The following HP1BP3 variants were observed in gnomAD, a reference collection of about 807,000 sequenced individuals.
The protein encoded by HP1BP3 is heterochromatin protein 1 binding protein 3.
Under a neutral mutation model 62.5 loss-of-function variants are expected in HP1BP3, and 12 were observed. That is an observed-to-expected ratio of 0.19 (90% CI 0.12 to 0.31). The LOEUF is 0.31. Ranked by LOEUF, HP1BP3 falls within the 10% of genes least tolerant of loss-of-function variation. The probability of loss-of-function intolerance (pLI) is 1.00; values close to 1 mark genes in which losing one functional copy is unlikely to be tolerated. For missense variants in HP1BP3, 502 were observed against 651.8 expected (o/e 0.77, Z 2.50); for synonymous variants, 260 against 237.8 (o/e 1.09, Z -0.86).
At chr1:20,759,214 A>T (rs1261664520) in intron 8 of HP1BP3, among the ~76,000 whole-genome samples, 1 of 152,242 alleles carries the variant, frequency 6.6e-6, no homozygotes, top group African/African-American at 2.4e-5. Flanking sequence ...CAGCTTGACC[A>T]ACATGGAGAA....
intron 12 of HP1BP3, among the ~76,000 whole-genome samples, chr1:20,745,297 T>C (rs193072439): frequency 2.0e-4 from 31 of 152,320 alleles, no homozygotes; most frequent in Middle Eastern, 3.4e-3. Flanking sequence ...TTTCATGACG[T>C]TGTTCCTAGG....
intron 7 of HP1BP3, 51 bp downstream of exon 7, chr1:20,767,533 T>C (rs754146012): frequency 4.3e-6 from 5 of 1,155,460 alleles, no homozygotes; most frequent in African/African-American, 1.5e-5. Context: ...TTGCTATTTT[T>C]AGTAGCAGTA....
chr1:20,749,145 G>C (rs1036831955), intron 10 of HP1BP3, among the ~76,000 whole-genome samples: 5 of 152,116 alleles, frequency 3.3e-5, no homozygotes, highest in African/African-American at 1.2e-4. Flanking sequence ...TTTGAACCTA[G>C]AGATTTATCT....
chr1:20,773,370 T>C, intron 5 of HP1BP3, 81 bp downstream of exon 5: 1 of 1,252,878 alleles, frequency 8.0e-7, no homozygotes, highest in South Asian at 1.7e-5. Flanking sequence ...TTATGATGTC[T>C]AGACAGATAT....
chr1:20,757,877 G>A (rs1265759402), intron 8 of HP1BP3, among the ~76,000 whole-genome samples: 1 of 152,086 alleles, frequency 6.6e-6, no homozygotes, highest in Non-Finnish European at 1.5e-5. Context: ...CAGGCGCGGT[G>A]GCTCACGCTT....
Position 20,767,575 on chromosome 1 carries a change from A to T in HP1BP3, c.735+9T>A. 1 of 1,580,450 alleles carries T rather than the reference A, an allele frequency of 6.3e-7. No homozygotes were observed. The stretch of plus-strand genomic sequence containing the variant: ...CCACAGCACTCAAACTGTGGTATAG[A>T]TGTCTTACCTTTCTGTTTCTGGATT... On this transcript the variant is annotated intron_variant, in intron 7 of 12. Coordinates refer to ENST00000438032, the MANE Select transcript of HP1BP3 (RefSeq NM_001372052.1).
chr1:20,752,119 G>C (rs1487983173), intron 9 of HP1BP3, among the ~76,000 whole-genome samples: 1 of 151,680 alleles, frequency 6.6e-6, no homozygotes. Context: ...AATTAGCCGG[G>C]CATGGTGGTG....
Position 20,745,033 on chromosome 1 carries a change from C to G in HP1BP3, c.1426G>C (p.Gly476Arg). 6.2e-7 allele frequency: 1 copy of G among 1,614,028 alleles called. No homozygotes were observed. The highest frequency in any genetic ancestry group is 8.5e-7 in the Non-Finnish European group (1 of 1,179,982). Residue 476 changes from glycine (G) to arginine (R), a missense_variant, in exon 13 of 13, where the codon GGG (glycine) becomes CGG (arginine). By Grantham distance (125) the Gly-to-Arg change is moderately radical (BLOSUM62 -2). Around this residue, in one of 5 missense-constraint regions of HP1BP3, gnomAD observed 194 missense variants for 207.0 expected, o/e 0.94. Coordinates refer to ENST00000438032, the MANE Select transcript of HP1BP3 (RefSeq NM_001372052.1). Reference sequence around the variant, plus strand: ...GAGACTTTAGGTGCAGGTTTGGACCCTCTCTGCTTCACAGATGCGGCCTTC... The same window carrying G: ...GAGACTTTAGGTGCAGGTTTGGACCGTCTCTGCTTCACAGATGCGGCCTTC... Reference protein sequence around the residue: ...PGKAASVKQRGSKPAPKVSAA... With the variant: ...PGKAASVKQRRSKPAPKVSAA...
chr1:20,765,988 A>C (rs924278038), intron 7 of HP1BP3, among the ~76,000 whole-genome samples: 1 of 148,752 alleles, frequency 6.7e-6, no homozygotes, highest in Non-Finnish European at 1.5e-5. Context: ...AACAAAAAAA[A>C]CACAACAAAA....
intron 8 of HP1BP3, among the ~76,000 whole-genome samples, chr1:20,762,307 T>C (rs1462866106): frequency 1.3e-5 from 2 of 152,122 alleles, no homozygotes; most frequent in African/African-American, 2.4e-5. Context: ...TCAGGTAAAT[T>C]TTGTTTCAGC....
chr1:20,747,536 G>A lies in HP1BP3; in HGVS notation c.1253+8C>T. ...TTTACAGTGATCTATTATAGGCTAA[G>A]TACTTACCTGGGATAATAGGGAAAA... On this transcript the variant is annotated splice_region_variant and intron_variant, in intron 11 of 12. Transcript: ENST00000438032. The A allele has an allele frequency of 2.6e-6, 4 of 1,528,392 alleles. No homozygotes were observed. Among genetic ancestry groups the A allele is most frequent in the Non-Finnish European group, 1.8e-6 (2 of 1,104,178 alleles). The allele number at this position is 1,528,392 out of a possible 1,614,324, so 94.7% of individuals were successfully genotyped here. A position where few individuals can be genotyped will look rare whatever the true frequency, so the allele number is the denominator to read the frequency against.
intron 8 of HP1BP3, among the ~76,000 whole-genome samples, chr1:20,760,861 A>G (rs2056427872): frequency 6.6e-6 from 1 of 152,124 alleles, no homozygotes; most frequent in African/African-American, 2.4e-5. Flanking sequence ...TAAATTTTAA[A>G]AAGTGATAGA....
At chr1:20,758,797 T>C (rs2056287006) in intron 8 of HP1BP3, among the ~76,000 whole-genome samples, 1 of 151,904 alleles carries the variant, frequency 6.6e-6, no homozygotes, top group Non-Finnish European at 1.5e-5. Flanking sequence ...TATAGGCACA[T>C]GCCACTACAC....
intron 9 of HP1BP3, among the ~76,000 whole-genome samples, chr1:20,751,739 AC>A (rs1219487029): frequency 8.6e-5 from 13 of 150,522 alleles, no homozygotes; most frequent in Admixed American, 2.6e-4. Context: ...TAAATAATAA[AC>A]TAAAAAAAAA....
At chr1:20,783,539 T>TAA (rs1557679399) in intron 1 of HP1BP3, among the ~76,000 whole-genome samples, 1 of 139,886 alleles carries the variant, frequency 7.1e-6, no homozygotes, top group Non-Finnish European at 1.6e-5. Context: ...CAACAACAAT[T>TAA]TAAAAAAAAA....
Position 20,767,790 on chromosome 1 carries a change from AAC to A in HP1BP3, c.655-128_655-127del, listed in dbSNP as rs539932009. On this transcript the variant is annotated intron_variant, in intron 6 of 12. Transcript: ENST00000438032. ...TTACTTCTTCAGAGAAAAAAAAAAAAACAGTCAATGCAGAGTCAAAAGACTTC... is the reference window on the plus strand; with the variant it reads ...TTACTTCTTCAGAGAAAAAAAAAAAAAGTCAATGCAGAGTCAAAAGACTTC... The A allele has an allele frequency of 1.1e-4, 66 of 622,326 alleles. No individual in the cohort carries two copies. In the African/African-American group the frequency reaches 1.1e-3, roughly 10 times the overall value. The allele number at this position is 622,326 out of a possible 1,614,324, so 38.6% of individuals were successfully genotyped here. A position where few individuals can be genotyped will look rare whatever the true frequency, so the allele number is the denominator to read the frequency against.
chr1:20,776,833 C>T lies in HP1BP3; in HGVS notation c.197-83G>A, dbSNP rs907513362. ...AAAGGTAAAAGCTTATCTTATTAAACGGACCAGCCAAAGTCTCCAATTAAC... is the reference window on the plus strand; with the variant it reads ...AAAGGTAAAAGCTTATCTTATTAAATGGACCAGCCAAAGTCTCCAATTAAC... On this transcript the variant is annotated intron_variant, in intron 3 of 12. Transcript: ENST00000438032. The T allele has an allele frequency of 2.3e-5, 28 of 1,201,894 alleles. No homozygotes were observed. In the African/African-American group the frequency reaches 2.6e-4, roughly 11 times the overall value. 74.5% of individuals were successfully genotyped at this position (1,201,894 alleles called of 1,614,324 possible). A position where few individuals can be genotyped will look rare whatever the true frequency, so the allele number is the denominator to read the frequency against.
chr1:20,749,428 G>A (rs1413439197), intron 10 of HP1BP3, among the ~76,000 whole-genome samples: 5 of 148,568 alleles, frequency 3.4e-5, no homozygotes, highest in South Asian at 2.1e-4. Context: ...GTGCAATCTC[G>A]GCTCACTGCA....
chr1:20,748,412 A>G (rs1319590873), intron 10 of HP1BP3, among the ~76,000 whole-genome samples: 1 of 152,242 alleles, frequency 6.6e-6, no homozygotes, highest in African/African-American at 2.4e-5. Context: ...GTGAAACTGA[A>G]AGGCTTGTTA....
Sources: allele counts gnomAD v4.1 joint callset (sites outside exome capture counted in the v4.1 genomes callset), GRCh38; gene constraint gnomAD v4.1.1; regional missense constraint gnomAD v4.1.1; transcripts MANE v1.5; gene names NCBI Gene and HGNC (gene_info 2026-07-23, HGNC 2026-07-21).